The following RYR2 variants were observed in gnomAD, a reference collection of about 807,000 sequenced individuals.
RYR2 encodes cardiac muscle ryanodine receptor-calcium release channel.
RYR2 carries 227 observed loss-of-function variants against 601.1 expected under a neutral mutation model. The observed-to-expected ratio is 0.38, with a 90% confidence interval of 0.34 to 0.42. The LOEUF (loss-of-function observed/expected upper bound fraction) is 0.42. RYR2 is among the 10% of genes least tolerant of loss of function. The pLI is 1.00. For missense variants in RYR2, 4,646 were observed against 6,156.5 expected, an observed-to-expected ratio of 0.75 and a Z score of 8.21; for synonymous variants, 2,223 against 2,175.1, an observed-to-expected ratio of 1.02 and a Z score of -0.61.
intron 12 of RYR2, among the ~76,000 whole-genome samples, chr1:237,431,694 TA>T (rs1706819479): frequency 1.3e-5 from 2 of 152,160 alleles, no homozygotes; most frequent in Admixed American, 1.3e-4. Flanking sequence ...CTATTTGGTC[TA>T]AAAATGTGAA....
chr1:237,830,211 G>A (rs1574124135), intron 102 of RYR2: 1 of 259,410 alleles, frequency 3.9e-6, no homozygotes, highest in East Asian at 1.0e-4. Flanking sequence ...ATGAACAAGA[G>A]TTGATCACTA....
chr1:237,142,879 G>C (rs752195347), intron 1 of RYR2, among the ~76,000 whole-genome samples: 1 of 152,118 alleles, frequency 6.6e-6, no homozygotes, highest in Non-Finnish European at 1.5e-5. Flanking sequence ...AACCAGCATT[G>C]CAGGTAATTT....
intron 82 of RYR2, among the ~76,000 whole-genome samples, chr1:237,759,396 T>C (rs921223297): frequency 7.2e-5 from 11 of 152,140 alleles, no homozygotes; most frequent in African/African-American, 2.7e-4. Flanking sequence ...TGTAATGCTG[T>C]TTAATGACAT....
At chr1:237,285,782 G>A (rs375050546) in intron 2 of RYR2, among the ~76,000 whole-genome samples, 1 of 152,180 alleles carries the variant, frequency 6.6e-6, no homozygotes, top group South Asian at 2.1e-4. Flanking sequence ...GAATTCATCT[G>A]TCTCTTCTAG....
chr1:237,101,619 G>A (rs1259044994), intron 1 of RYR2, among the ~76,000 whole-genome samples: 1 of 152,182 alleles, frequency 6.6e-6, no homozygotes, highest in Non-Finnish European at 1.5e-5. Context: ...CACATAAGAA[G>A]CTAATTAATA....
At chr1:237,064,234 G>C (rs1466111992) in intron 1 of RYR2, among the ~76,000 whole-genome samples, 1 of 151,722 alleles carries the variant, frequency 6.6e-6, no homozygotes, top group African/African-American at 2.4e-5. Context: ...CTTTCTACCA[G>C]TTCATAAATC....
chr1:237,532,320 G>A (rs534548487), intron 25 of RYR2, among the ~76,000 whole-genome samples: 7 of 152,000 alleles, frequency 4.6e-5, no homozygotes, highest in East Asian at 1.9e-4. Context: ...TGCATTCTTC[G>A]TTCACATAAA....
In RYR2 at chr1:237,680,501, T is replaced by C; in HGVS notation, c.8941T>C (p.Tyr2981His). The C allele has an allele frequency of 2.5e-6, 4 of 1,606,174 alleles. No homozygotes were observed. Among genetic ancestry groups the C allele is most frequent in the Non-Finnish European group, 3.4e-6 (4 of 1,173,490 alleles). ...IDQYFKNHRLYFLSAASRPLC... is the reference protein window; with the variant it reads ...IDQYFKNHRLHFLSAASRPLC... ...TCAGTATTTCAAAAACCATCGTTTA[T>C]ACTTCTTATCTGCAGCAAGCAGACC... is the stretch of plus-strand genomic sequence containing the variant. Residue 2981 changes from tyrosine (Y) to histidine (H), a missense_variant, in exon 62 of 105, where the codon TAC becomes CAC. Tyr to His is a moderately conservative substitution (Grantham distance 83, BLOSUM62 2). Coordinates refer to ENST00000366574, the MANE Select transcript of RYR2 (RefSeq NM_001035.3).
chr1:237,522,246 G>A (rs1667163354), intron 24 of RYR2, among the ~76,000 whole-genome samples: 1 of 152,130 alleles, frequency 6.6e-6, no homozygotes, highest in Admixed American at 6.5e-5. Context: ...AAAAAGAATT[G>A]TCTTGGGCCA....
chr1:237,174,518 G>C (rs1364682531), intron 1 of RYR2, among the ~76,000 whole-genome samples: 1 of 152,038 alleles, frequency 6.6e-6, no homozygotes, highest in African/African-American at 2.4e-5. Context: ...CTCCCTCACT[G>C]TTCACCCACT....
At chr1:237,096,879 T>A (rs925253717) in intron 1 of RYR2, among the ~76,000 whole-genome samples, 4 of 152,128 alleles carry the variant, frequency 2.6e-5, no homozygotes, top group African/African-American at 9.7e-5. Context: ...GCCTCCTAAA[T>A]TGTATTGAAT....
At chr1:237,096,884 T>C (rs1417084975) in intron 1 of RYR2, among the ~76,000 whole-genome samples, 1 of 152,136 alleles carries the variant, frequency 6.6e-6, no homozygotes, top group East Asian at 1.9e-4. Flanking sequence ...CTAAATTGTA[T>C]TGAATTAGAA....
At position 237,238,913 on chromosome 1, in the gene RYR2, G is replaced by A. The variant is rs182773632; in HGVS notation, c.49-31584G>A. Among the ~76,000 whole-genome samples the A allele has an allele frequency of 2.7e-3, 411 of 150,834 alleles. 1 individual carries two copies. Among genetic ancestry groups the A allele is most frequent in the African/African-American group, 9.8e-3 (396 of 40,220 alleles). The stretch of plus-strand genomic sequence containing the variant: ...CGAACCCAATTAGTATGAGTTAGGG[G>A]CATCCAGGTGAATGATTGTTCTATA... On this transcript the variant is annotated intron_variant, in intron 1 of 104. Transcript: ENST00000366574.
At chr1:237,685,188 T>C (rs1318397644) in intron 62 of RYR2, among the ~76,000 whole-genome samples, 1 of 152,182 alleles carries the variant, frequency 6.6e-6, no homozygotes, top group Non-Finnish European at 1.5e-5. Context: ...AACAGTATTA[T>C]AGAAAATATT....
intron 25 of RYR2, among the ~76,000 whole-genome samples, chr1:237,534,235 G>A (rs1258575269): frequency 6.6e-6 from 1 of 151,880 alleles, no homozygotes; most frequent in African/African-American, 2.4e-5. Flanking sequence ...AGAAAAGAAG[G>A]CCACTATATG....
intron 2 of RYR2, among the ~76,000 whole-genome samples, chr1:237,271,138 A>G (rs1689649106): frequency 6.6e-6 from 1 of 151,894 alleles, no homozygotes; most frequent in Non-Finnish European, 1.5e-5. Context: ...TTTTTCCTCA[A>G]AGTGTTATCT....
chr1:237,760,082 G>C (rs1693292406), intron 83 of RYR2, among the ~76,000 whole-genome samples: 2 of 151,370 alleles, frequency 1.3e-5, no homozygotes, highest in Non-Finnish European at 1.5e-5. Flanking sequence ...CTTTCCCATA[G>C]TACTATAATC....
intron 80 of RYR2, among the ~76,000 whole-genome samples, chr1:237,751,378 G>A (rs1023800685): frequency 4.9e-4 from 75 of 152,126 alleles, no homozygotes; most frequent in African/African-American, 1.8e-3. Flanking sequence ...TAATTTGATA[G>A]CTTCTGATTT....
At chr1:237,101,299 T>A (rs1489674189) in intron 1 of RYR2, among the ~76,000 whole-genome samples, 5 of 94,170 alleles carry the variant, frequency 5.3e-5, no homozygotes, top group African/African-American at 7.8e-5. Context: ...TTTTAGAAGT[T>A]AAAAAAAAAA....
Sources: allele counts gnomAD v4.1 joint callset (sites outside exome capture counted in the v4.1 genomes callset), GRCh38; gene constraint gnomAD v4.1.1; transcripts MANE v1.5; gene names NCBI Gene and HGNC (gene_info 2026-07-23, HGNC 2026-07-21).